MCU: variants seen among roughly 807,000 people sequenced by gnomAD.
The protein encoded by MCU is calcium uniporter protein, mitochondrial.
MCU carries 12 observed loss-of-function variants against 45.2 expected under a neutral mutation model. That is an observed-to-expected ratio of 0.27 (90% CI 0.17 to 0.43). The LOEUF (loss-of-function observed/expected upper bound fraction) is 0.43. Ranked by LOEUF, MCU falls within the 20% of genes least tolerant of loss-of-function variation. The probability of loss-of-function intolerance (pLI) is 1.00; values close to 1 mark genes in which losing one functional copy is unlikely to be tolerated. For missense variants in MCU, 324 were observed against 436.7 expected (o/e 0.74, Z 2.30); for synonymous variants, 160 against 165.1 (o/e 0.97, Z 0.24).
intron 2 of MCU, among the ~76,000 whole-genome samples, chr10:72,846,209 A>G (rs577271469): frequency 6.6e-6 from 1 of 152,142 alleles, no homozygotes; most frequent in South Asian, 2.1e-4. Flanking sequence ...CACCCAGCTA[A>G]TATTTGTATT....
intron 1 of MCU, among the ~76,000 whole-genome samples, chr10:72,794,245 C>G (rs1216881876): frequency 3.3e-5 from 5 of 152,180 alleles, no homozygotes; most frequent in African/African-American, 1.2e-4. Context: ...ATCTGCCCCA[C>G]ATATACACAA....
At chr10:72,771,592 C>CT (rs1202222271) in intron 1 of MCU, among the ~76,000 whole-genome samples, 2 of 152,046 alleles carry the variant, frequency 1.3e-5, no homozygotes, top group African/African-American at 4.8e-5. Flanking sequence ...TGGTGGACAC[C>CT]TTTTTTGTTG....
chr10:72,802,849 T>C (rs186864534), intron 1 of MCU, among the ~76,000 whole-genome samples: 8 of 152,336 alleles, frequency 5.3e-5, no homozygotes, highest in African/African-American at 1.9e-4. Context: ...ACATCACCAC[T>C]CAAACTTACT....
At chr10:72,696,415 C>G (rs1167415232) in intron 1 of MCU, among the ~76,000 whole-genome samples, 1 of 151,878 alleles carries the variant, frequency 6.6e-6, no homozygotes, top group East Asian at 1.9e-4. Flanking sequence ...ATGATACTTT[C>G]AGGGATAATT....
chr10:72,732,555 G>T (rs1157129056), intron 1 of MCU, among the ~76,000 whole-genome samples: 1 of 152,180 alleles, frequency 6.6e-6, no homozygotes, highest in African/African-American at 2.4e-5. Context: ...AGGATCTGGT[G>T]AACCGAATTA....
chr10:72,768,387 A>G (rs1843758124), intron 1 of MCU, among the ~76,000 whole-genome samples: 1 of 152,202 alleles, frequency 6.6e-6, no homozygotes, highest in Non-Finnish European at 1.5e-5. Context: ...AAACATTTAT[A>G]TAATCTCAGT....
chr10:72,837,194 A>ATT (rs755289387), intron 2 of MCU, among the ~76,000 whole-genome samples: 4 of 145,904 alleles, frequency 2.7e-5, no homozygotes, highest in East Asian at 2.0e-4. Context: ...CAGGTTCTAG[A>ATT]TTTTTTTTTT....
chr10:72,705,589 G>A (rs920928659), intron 1 of MCU, among the ~76,000 whole-genome samples: 3 of 151,878 alleles, frequency 2.0e-5, no homozygotes, highest in South Asian at 2.1e-4. Flanking sequence ...AGGCTGAGGC[G>A]GGCGGATCAC....
intron 1 of MCU, among the ~76,000 whole-genome samples, chr10:72,717,127 CTTTT>C (rs71021527): frequency 7.9e-5 from 11 of 138,378 alleles, no homozygotes; most frequent in Admixed American, 2.2e-4. Context: ...CTCTCTCTCT[CTTTT>C]TTTTTTTTTT....
At chr10:72,817,285 G>A (rs537618621) in intron 1 of MCU, among the ~76,000 whole-genome samples, 1 of 152,176 alleles carries the variant, frequency 6.6e-6, no homozygotes, top group African/African-American at 2.4e-5. Flanking sequence ...ACACAATACA[G>A]TAATAGGAAC....
At chr10:72,710,914 A>G (rs1842884798) in intron 1 of MCU, among the ~76,000 whole-genome samples, 1 of 152,106 alleles carries the variant, frequency 6.6e-6, no homozygotes, top group East Asian at 1.9e-4. Context: ...GCAGTGGCTC[A>G]TGCCTGTAAT....
intron 1 of MCU, among the ~76,000 whole-genome samples, chr10:72,820,119 G>A (rs752540159): frequency 2.0e-5 from 3 of 152,030 alleles, no homozygotes; most frequent in Admixed American, 6.6e-5. Context: ...CAAAATATCC[G>A]TTTACATTTC....
At position 72,861,967 on chromosome 10, in the gene MCU, G is replaced by A. The variant is rs73288617; in HGVS notation, c.496+1440G>A. On this transcript the variant is annotated intron_variant, in intron 4 of 7. Coordinates refer to ENST00000373053, the MANE Select transcript of MCU (RefSeq NM_138357.3). Reference sequence around the variant, plus strand: ...ATGCTAAGTAGCCCTCTAAAATAGCGTTTTGAGTTGTGTCTTTTTTTTTTT... The same window carrying A: ...ATGCTAAGTAGCCCTCTAAAATAGCATTTTGAGTTGTGTCTTTTTTTTTTT... Among the ~76,000 whole-genome samples the A allele has an allele frequency of 3.0e-3, 441 of 148,290 alleles. 1 individual carries two copies. Among genetic ancestry groups the A allele is most frequent in the Middle Eastern group, 0.018 (5 of 284 alleles).
At chr10:72,851,799 C>T (rs1316437729) in intron 2 of MCU, among the ~76,000 whole-genome samples, 2 of 152,064 alleles carry the variant, frequency 1.3e-5, no homozygotes, top group African/African-American at 2.4e-5. Flanking sequence ...GTTGCTCTTT[C>T]GTTAGTTTTT....
intron 4 of MCU, among the ~76,000 whole-genome samples, chr10:72,865,545 T>G (rs1845439452): frequency 6.6e-6 from 1 of 152,056 alleles, no homozygotes; most frequent in African/African-American, 2.4e-5. Flanking sequence ...GATTTTAAAT[T>G]TAATTATTTT....
At chr10:72,744,011 T>TTATATA (rs368919882) in intron 1 of MCU, among the ~76,000 whole-genome samples, 2 of 150,732 alleles carry the variant, frequency 1.3e-5, no homozygotes, top group African/African-American at 4.9e-5. Flanking sequence ...CCTTAATAGT[T>TTATATA]TATATATATA....
chr10:72,787,987 G>A (rs1844101194), intron 1 of MCU, among the ~76,000 whole-genome samples: 1 of 152,166 alleles, frequency 6.6e-6, no homozygotes, highest in African/African-American at 2.4e-5. Context: ...AAAGTGCTGG[G>A]ATTACAGGCA....
At position 72,729,835 on chromosome 10, in the gene MCU, A is replaced by G. The variant is rs114646645; in HGVS notation, c.150+37534A>G. On this transcript the variant is annotated intron_variant, in intron 1 of 7. Coordinates refer to ENST00000373053, the MANE Select transcript of MCU (RefSeq NM_138357.3). ...AGCAGCATCCCTGGCCCCTCTACCCACTAGGTGCAGTAGCACTTCCCTCCC... is the reference window on the plus strand; with the variant it reads ...AGCAGCATCCCTGGCCCCTCTACCCGCTAGGTGCAGTAGCACTTCCCTCCC... Among the ~76,000 whole-genome samples the G allele has an allele frequency of 5.7e-3, 868 of 152,028 alleles. 8 individuals carry two copies. Among genetic ancestry groups the G allele is most frequent in the African/African-American group, 0.02 (814 of 41,466 alleles).
chr10:72,755,345 A>G (rs1190382162), intron 1 of MCU, among the ~76,000 whole-genome samples: 1 of 152,010 alleles, frequency 6.6e-6, no homozygotes, highest in East Asian at 1.9e-4. Context: ...ACGGGGTTTC[A>G]GCATGTGGAT....
Sources: allele counts gnomAD v4.1 joint callset (sites outside exome capture counted in the v4.1 genomes callset), GRCh38; gene constraint gnomAD v4.1.1; transcripts MANE v1.5; gene names NCBI Gene and HGNC (gene_info 2026-07-23, HGNC 2026-07-21).